METTL9: variants seen among roughly 807,000 people sequenced by gnomAD.
The protein encoded by METTL9 is protein-L-histidine N-pros-methyltransferase.
A neutral mutation model predicts 36.0 loss-of-function variants in METTL9; 10 were observed. That is an observed-to-expected ratio of 0.28 (90% confidence interval 0.17 to 0.47). The LOEUF (loss-of-function observed/expected upper bound fraction) is 0.47. Ranked by LOEUF, METTL9 falls within the 20% of genes least tolerant of loss-of-function variation. The probability of loss-of-function intolerance (pLI) is 0.99; values close to 1 mark genes in which losing one functional copy is unlikely to be tolerated. For synonymous variants in METTL9, 175 were observed against 149.7 expected (o/e 1.17, Z -1.23); for missense variants, 246 against 383.5 (o/e 0.64, Z 3.00).
chr16:21,599,345 G>C (rs1037220768), upstream of METTL9: 1 of 957,092 alleles, frequency 1.0e-6, no homozygotes. The surrounding 1 kb of genome is among the most constrained non-coding windows in gnomAD (Gnocchi z 4.4). Flanking sequence ...AACCACCTCC[G>C]CCATTTACTA....
chr16:21,639,664 C>A (rs1202525424), intron 4 of METTL9: 1 of 152,078 alleles, frequency 6.6e-6, no homozygotes, highest in Non-Finnish European at 1.5e-5. Flanking sequence ...CATGCATATA[C>A]CGTATACAAA....
intron 1 of METTL9, among the ~76,000 whole-genome samples, chr16:21,607,539 T>C (rs1470371951): frequency 2.0e-5 from 3 of 152,206 alleles, no homozygotes; most frequent in Non-Finnish European, 4.4e-5. Context: ...ATATTGCTAT[T>C]TACTGTAATT....
Position 21,643,615 on chromosome 16 carries a change from G to A in METTL9, c.752-11612G>A, listed in dbSNP as rs748842324. 4 of 1,565,268 alleles carry A rather than the reference G, an allele frequency of 2.6e-6. No homozygotes were observed. In the South Asian group the frequency reaches 4.5e-5, roughly 18 times the overall value. ...GGATTTTGACTGCCAAGAAGAGAAG[G>A]AAAGTCTATGAAACATTTTATGTAC... On this transcript the variant is annotated intron_variant, in intron 4 of 4. Transcript: ENST00000358154.
chr16:21,652,532 C>A lies in METTL9; in HGVS notation c.752-2695C>A. 1.2e-6 allele frequency: 2 copies of A among 1,605,292 alleles called. No individual in the cohort carries two copies. Among genetic ancestry groups the A allele is most frequent in the South Asian group, 1.1e-5 (1 of 89,240 alleles). On this transcript the variant is annotated intron_variant, in intron 4 of 4. Transcript: ENST00000358154. ...AGGAGGAGAAGAAAAAGAACCTTAC[C>A]GACACAAAATAGAATGAGATTGGTT... is the stretch of plus-strand genomic sequence containing the variant.
intron 1 of METTL9, among the ~76,000 whole-genome samples, chr16:21,608,547 C>T (rs1965349454): frequency 6.6e-6 from 1 of 152,116 alleles, no homozygotes; most frequent in African/African-American, 2.4e-5. Flanking sequence ...AGAGTCAGTA[C>T]AGTGACATTT....
chr16:21,634,027 C>T (rs1419390555), intron 4 of METTL9, among the ~76,000 whole-genome samples: 2 of 152,134 alleles, frequency 1.3e-5, no homozygotes, highest in Non-Finnish European at 2.9e-5. Context: ...ATATACCCCT[C>T]CCTAATAAGG....
chr16:21,652,375 A>G (rs1005564024), intron 4 of METTL9: 31 of 515,002 alleles, frequency 6.0e-5, no homozygotes, highest in Non-Finnish European at 9.1e-5. Flanking sequence ...TTTATTGTCT[A>G]TTTCTCAGGG....
intron 4 of METTL9, among the ~76,000 whole-genome samples, chr16:21,646,136 A>G (rs912250270): frequency 7.1e-6 from 1 of 140,534 alleles, no homozygotes; most frequent in South Asian, 2.3e-4. Context: ...AATCATGTAA[A>G]GCTTTTTCTC....
chr16:21,599,139 G>T (rs1236402041), upstream of METTL9, among the ~76,000 whole-genome samples: 3 of 152,156 alleles, frequency 2.0e-5, no homozygotes, highest in Non-Finnish European at 4.4e-5. This position sits in a 1 kb window ranked among gnomAD's most constrained non-coding sequence, Gnocchi z 4.4. Flanking sequence ...TTGCGCCCCC[G>T]GGGTTAACTG....
At chr16:21,647,517 G>A in intron 4 of METTL9, 2 of 1,585,698 alleles carry the variant, frequency 1.3e-6, no homozygotes, top group Non-Finnish European at 8.6e-7. Context: ...AGATGAGTGG[G>A]TTAATGGGCC....
intron 4 of METTL9, among the ~76,000 whole-genome samples, chr16:21,643,798 A>G (rs1468633527): frequency 1.3e-5 from 2 of 152,148 alleles, no homozygotes; most frequent in African/African-American, 2.4e-5. Flanking sequence ...TAGGATTTAT[A>G]GTAATCCTAA....
At chr16:21,628,410 G>C (rs1965861719) in intron 4 of METTL9, among the ~76,000 whole-genome samples, 1 of 152,126 alleles carries the variant, frequency 6.6e-6, no homozygotes, top group African/African-American at 2.4e-5. Flanking sequence ...AACTTTACTA[G>C]AGGAGGTCTC....
At chr16:21,631,205 TA>T (rs1965952419) in intron 4 of METTL9, among the ~76,000 whole-genome samples, 1 of 152,294 alleles carries the variant, frequency 6.6e-6, no homozygotes, top group African/African-American at 2.4e-5. Flanking sequence ...TTCCTAACCC[TA>T]TAAATAGGGG....
intron 4 of METTL9, among the ~76,000 whole-genome samples, chr16:21,637,179 C>T (rs1469233395): frequency 1.3e-5 from 2 of 152,304 alleles, no homozygotes; most frequent in East Asian, 3.9e-4. Flanking sequence ...CTGGCCCCAC[C>T]AACATCCTGC....
chr16:21,617,489 A>T (rs1965583364), intron 2 of METTL9, among the ~76,000 whole-genome samples: 1 of 151,400 alleles, frequency 6.6e-6, no homozygotes, highest in South Asian at 2.1e-4. Flanking sequence ...GCACTTTGGG[A>T]GGCCGAGGCG....
rs1966702256 is a variant in METTL9 at position 21,656,085 on chromosome 16, A to G, written c.*653A>G. ...GGCTTCAGACTTGGGGGAAGGGGAGATTATTGCAAATTGCAGTGAACACTG... is the reference window on the plus strand; with the variant it reads ...GGCTTCAGACTTGGGGGAAGGGGAGGTTATTGCAAATTGCAGTGAACACTG... On this transcript the variant is annotated 3_prime_UTR_variant, in exon 5 of 5. Transcript: ENST00000358154. 1 of 151,416 alleles carries G rather than the reference A, an allele frequency of 6.6e-6. No homozygotes were observed. Among genetic ancestry groups the G allele is most frequent in the African/African-American group, 2.4e-5 (1 of 41,204 alleles). The allele number at this position is 151,416 out of a possible 1,614,324, so 9.4% of individuals were successfully genotyped here.
rs544481788 is a variant in METTL9 at position 21,609,827 on chromosome 16, A to G, written c.166-2818A>G. On this transcript the variant is annotated intron_variant, in intron 1 of 4. Coordinates refer to ENST00000358154, the MANE Select transcript of METTL9 (RefSeq NM_016025.5). ...TGGATGTTATCCTAAGATTCCTGTTAAGCAGGGTAGTGATGTGATCAGATT... is the reference window on the plus strand; with the variant it reads ...TGGATGTTATCCTAAGATTCCTGTTGAGCAGGGTAGTGATGTGATCAGATT... 2.6e-5 allele frequency among the ~76,000 whole-genome samples: 4 copies of G among 152,108 alleles called. No homozygotes were observed. In the South Asian group the frequency reaches 6.2e-4, roughly 24 times the overall value.
At chr16:21,623,993 T>C (rs1306518551) in intron 3 of METTL9, among the ~76,000 whole-genome samples, 1 of 152,104 alleles carries the variant, frequency 6.6e-6, no homozygotes, top group African/African-American at 2.4e-5. Flanking sequence ...ATGGTCTCAA[T>C]CTCCTGACCT....
At chr16:21,629,452 C>T (rs1965891680) in intron 4 of METTL9, among the ~76,000 whole-genome samples, 1 of 152,174 alleles carries the variant, frequency 6.6e-6, no homozygotes, top group Admixed American at 6.5e-5. Context: ...TCATAAATTT[C>T]TATTGTTCTG....
Sources: allele counts gnomAD v4.1 joint callset (sites outside exome capture counted in the v4.1 genomes callset), GRCh38; gene constraint gnomAD v4.1.1; non-coding constraint Gnocchi (gnomAD v3.1); transcripts MANE v1.5; gene names NCBI Gene and HGNC (gene_info 2026-07-23, HGNC 2026-07-21).